FBN2: variants seen among roughly 807,000 people sequenced by gnomAD.
The protein encoded by FBN2 is fibrillin-2.
Under a neutral mutation model 355.6 loss-of-function variants are expected in FBN2, and 105 were observed. The observed-to-expected ratio is 0.30, with a 90% CI of 0.25 to 0.35. The LOEUF (loss-of-function observed/expected upper bound fraction) is 0.35. Among genes scored for constraint, FBN2 ranks in the 10% least tolerant of loss-of-function variants. The pLI, the probability that FBN2 is intolerant of heterozygous loss-of-function variation, is 1.00. For synonymous variants in FBN2, 1,350 were observed against 1,301.2 expected (o/e 1.04, Z -0.81); for missense variants, 3,280 against 3,758.7 (o/e 0.87, Z 3.33).
chr5:128,312,066 C>T, intron 37 of FBN2, 113 bp from the exon 38 acceptor site: 1 of 721,696 alleles, frequency 1.4e-6, no homozygotes. Context: ...GGGGTGTATC[C>T]AAATTTTTCT....
intron 32 of FBN2, among the ~76,000 whole-genome samples, chr5:128,332,353 C>A (rs1341121093): frequency 6.6e-6 from 1 of 152,172 alleles, no homozygotes; most frequent in Non-Finnish European, 1.5e-5. Context: ...ATATTCTAGT[C>A]CCTTCCCTCT....
chr5:128,446,390 T>C, intron 7 of FBN2, 91 bp downstream of exon 7: 5 of 1,325,496 alleles, frequency 3.8e-6, no homozygotes, highest in Non-Finnish European at 5.4e-6. Flanking sequence ...GTTTTAATTG[T>C]GACCAGTAGT....
chr5:128,287,602 C>A (rs1364877886), intron 53 of FBN2, among the ~76,000 whole-genome samples, 172 bp from the exon 54 acceptor site: 1 of 152,162 alleles, frequency 6.6e-6, no homozygotes, highest in Non-Finnish European at 1.5e-5. Flanking sequence ...AAAATAACAG[C>A]TATAAACTCC....
Position 128,261,743 on chromosome 5 carries a change from G to A in FBN2, c.8357C>T (p.Pro2786Leu), listed in dbSNP as rs758453349. The change falls in exon 64 of 65, where the codon CCC becomes CTC. Residue 2786 changes from proline (P) to leucine (L), a missense_variant. Coordinates refer to ENST00000262464, the MANE Select transcript of FBN2 (RefSeq NM_001999.4). ...AGAGTGGGATATACTCACAGCAGTGGGATCAGGTTCATGAATACTTCTCTT... is the reference window on the plus strand; with the variant it reads ...AGAGTGGGATATACTCACAGCAGTGAGATCAGGTTCATGAATACTTCTCTT... ...RQKRSIHEPD[P>L]TAVEQISLES... 3 of 1,614,116 alleles carry A rather than the reference G, an allele frequency of 1.9e-6. No individual in the cohort carries two copies. The highest frequency in any genetic ancestry group is 2.2e-5 in the South Asian group (2 of 91,082).
chr5:128,417,408 T>C (rs1248855338), intron 7 of FBN2, among the ~76,000 whole-genome samples: 7 of 152,172 alleles, frequency 4.6e-5, no homozygotes, highest in African/African-American at 1.4e-4. Flanking sequence ...AAGTGGTGAA[T>C]GTAGGCATCG....
At chr5:128,440,034 T>C (rs888301699) in intron 7 of FBN2, among the ~76,000 whole-genome samples, 1 of 152,226 alleles carries the variant, frequency 6.6e-6, no homozygotes, top group African/African-American at 2.4e-5. Flanking sequence ...CTTATTGATT[T>C]AAATGGCACA....
intron 55 of FBN2, among the ~76,000 whole-genome samples, chr5:128,283,192 C>T (rs1455208204): frequency 1.3e-5 from 2 of 152,204 alleles, no homozygotes; most frequent in Non-Finnish European, 2.9e-5. Context: ...GAATCATTCC[C>T]TCAGCATAAA....
intron 34 of FBN2, among the ~76,000 whole-genome samples, chr5:128,321,979 G>C (rs868615926): frequency 6.6e-6 from 1 of 151,988 alleles, no homozygotes; most frequent in Non-Finnish European, 1.5e-5. Context: ...TTTAATGATC[G>C]TCATTCTAAC....
At chr5:128,456,934 G>A (rs1754411251) in intron 6 of FBN2, among the ~76,000 whole-genome samples, 1 of 152,174 alleles carries the variant, frequency 6.6e-6, no homozygotes, top group Non-Finnish European at 1.5e-5. Flanking sequence ...AGGGTGCAGA[G>A]CTAAACGAAG....
At chr5:128,480,201 A>T (rs1755143411) in intron 5 of FBN2, among the ~76,000 whole-genome samples, 1 of 147,294 alleles carries the variant, frequency 6.8e-6, no homozygotes, top group Admixed American at 6.9e-5. Context: ...TATAATAATG[A>T]GGTGAAGCAT....
chr5:128,537,405 C>T lies in FBN2; in HGVS notation c.199G>A (p.Gly67Ser). The change falls in exon 1 of 65, where the codon GGT becomes AGT. Residue 67 changes from glycine to serine, a missense_variant. By Grantham distance (56) the Gly-to-Ser change is moderately conservative. Coordinates refer to ENST00000262464, the MANE Select transcript of FBN2 (RefSeq NM_001999.4). The stretch of plus-strand genomic sequence containing the variant: ...CGGACGCGGCTGGCCACTGCGGCAC[C>T]CTCCTCGCGATACTCGGGCGCTAGA... The part of the protein sequence containing the change: ...GFLAPEYREE[G>S]AAVASRVRRR... 6.2e-7 allele frequency: 1 copy of T among 1,610,344 alleles called. No individual in the cohort carries two copies.
intron 13 of FBN2, 102 bp from the exon 14 acceptor site, chr5:128,376,955 C>T: frequency 1.4e-6 from 2 of 1,418,280 alleles, no homozygotes; most frequent in Non-Finnish European, 2.0e-6. Context: ...CCTAAATGAG[C>T]CATGTGCTCA....
intron 8 of FBN2, 67 bp downstream of exon 8, chr5:128,408,607 T>C (rs1752989999): frequency 2.5e-6 from 4 of 1,585,226 alleles, no homozygotes; most frequent in South Asian, 2.2e-5. Context: ...GCCATCTTCA[T>C]ACCTGTTTGG....
intron 20 of FBN2, 83 bp downstream of exon 20, chr5:128,357,193 C>T: frequency 6.5e-7 from 1 of 1,547,502 alleles, no homozygotes; most frequent in Non-Finnish European, 8.9e-7. Context: ...GAATCATATT[C>T]TGTTTTTATC....
chr5:128,442,229 T>C (rs758732235), intron 7 of FBN2: 5 of 436,606 alleles, frequency 1.1e-5, no homozygotes, highest in Non-Finnish European at 2.3e-5. Context: ...TAAGGGAAAC[T>C]TTCCAATACA....
chr5:128,424,317 C>T (rs1753431385), intron 7 of FBN2, among the ~76,000 whole-genome samples: 1 of 151,992 alleles, frequency 6.6e-6, no homozygotes, highest in South Asian at 2.1e-4. Flanking sequence ...AGAATAATCC[C>T]TAGATTAGAA....
At chr5:128,324,643 G>A (rs887165047) in intron 34 of FBN2, among the ~76,000 whole-genome samples, 5 of 148,592 alleles carry the variant, frequency 3.4e-5, no homozygotes, top group Non-Finnish European at 5.9e-5. Context: ...TTGAGATGGA[G>A]TCTCGCTCTG....
intron 6 of FBN2, among the ~76,000 whole-genome samples, chr5:128,448,458 C>G (rs1399979102): frequency 6.6e-6 from 1 of 151,982 alleles, no homozygotes; most frequent in Non-Finnish European, 1.5e-5. Context: ...CAGGCATGCA[C>G]CACCACGCCC....
At chr5:128,336,579 G>A (rs546314364) in intron 27 of FBN2, among the ~76,000 whole-genome samples, 1 of 152,296 alleles carries the variant, frequency 6.6e-6, no homozygotes, top group East Asian at 1.9e-4. Flanking sequence ...TTGCCTACAT[G>A]ATTTGAAGTA....
Sources: gnomAD v4.1 joint callset for allele counts (sites outside exome capture counted in the v4.1 genomes callset) on GRCh38, gnomAD v4.1.1 for gene constraint, MANE v1.5 for transcripts, NCBI Gene and HGNC (gene_info 2026-07-23, HGNC 2026-07-21) for gene names.